BLK: variants seen among roughly 807,000 people sequenced by gnomAD.
BLK encodes BLK proto-oncogene, Src family tyrosine kinase.
In BLK, 64 loss-of-function variants were observed where a neutral mutation model predicts 61.8. The ratio of observed to expected loss-of-function variants is 1.03; its 90% CI spans 0.85 to 1.27. BLK has a LOEUF of 1.27. BLK is among the 50% of genes most tolerant of loss of function. The pLI is 0.00. For synonymous variants in BLK, 351 were observed against 272.0 expected, an observed-to-expected ratio of 1.29 and a Z score of -2.86; for missense variants, 853 against 660.5, an observed-to-expected ratio of 1.29 and a Z score of -3.19.
In BLK at chr8:11,512,331, T is replaced by G. The variant is rs141629710; in HGVS notation, c.-2+17740T>G. Among the ~76,000 whole-genome samples, 47 of 152,344 alleles carry G rather than the reference T, an allele frequency of 3.1e-4. 2 individuals are homozygous for G. The East Asian group carries it at 8.7e-3, about 28-fold the overall frequency. On this transcript the variant is annotated intron_variant, in intron 1 of 12. Coordinates refer to ENST00000259089, the MANE Select transcript of BLK (RefSeq NM_001715.3). Reference sequence around the variant, plus strand: ...CTCTTTTCCAGAACTTGTTATGATCTCTTAACAAGGTCTAGCCAATATCAT... The same window carrying G: ...CTCTTTTCCAGAACTTGTTATGATCGCTTAACAAGGTCTAGCCAATATCAT...
intron 9 of BLK, among the ~76,000 whole-genome samples, 189 bp downstream of exon 9, chr8:11,557,026 T>A (rs1358239877): frequency 6.6e-6 from 1 of 151,204 alleles, no homozygotes; most frequent in African/African-American, 2.4e-5. Context: ...AACAGGAGGG[T>A]GAAGTGGTTC....
At chr8:11,510,324 A>C (rs1314336789) in intron 1 of BLK, among the ~76,000 whole-genome samples, 4 of 152,106 alleles carry the variant, frequency 2.6e-5, no homozygotes, top group African/African-American at 9.7e-5. Context: ...GGCCAGGGTT[A>C]CTGGTGTGGT....
At chr8:11,526,077 CTT>C (rs909773456) in intron 1 of BLK, among the ~76,000 whole-genome samples, 3 of 152,142 alleles carry the variant, frequency 2.0e-5, no homozygotes, top group African/African-American at 7.2e-5. Context: ...CCAGCTGCAG[CTT>C]TTGTTTTTAA....
At chr8:11,555,624 C>A (rs2254959) in intron 8 of BLK, 140 bp downstream of exon 8, 2 of 1,338,302 alleles carry the variant, frequency 1.5e-6, no homozygotes, top group South Asian at 1.3e-5. Context: ...CGAGGACACT[C>A]ATTTTACAGA....
At chr8:11,510,568 C>G (rs1391283015) in intron 1 of BLK, among the ~76,000 whole-genome samples, 1 of 152,196 alleles carries the variant, frequency 6.6e-6, no homozygotes, top group Non-Finnish European at 1.5e-5. Context: ...ATCAGGTTCT[C>G]AACGGGGGCT....
chr8:11,555,240 G>T (rs1447238193), intron 7 of BLK, 92 bp from the exon 8 acceptor site: 14 of 1,549,694 alleles, frequency 9.0e-6, no homozygotes, highest in Non-Finnish European at 1.2e-5. Context: ...GGTGGCTGGG[G>T]AGTGGAGGGC....
At chr8:11,557,291 G>A (rs7843829) in intron 9 of BLK, among the ~76,000 whole-genome samples, 6,301 of 152,252 alleles carry the variant, frequency 0.041, 408 homozygotes, top group African/African-American at 0.14. Context: ...GGTCCACGGC[G>A]TGGCCAAGTT....
At chr8:11,558,474 C>A in intron 10 of BLK, 2 of 363,494 alleles carry the variant, frequency 5.5e-6, no homozygotes, top group South Asian at 4.1e-5. Context: ...GGGCCCTCAG[C>A]CTTTGCACAG....
At chr8:11,556,982 T>TTG in intron 9 of BLK, 145 bp downstream of exon 9, 4 of 301,026 alleles carry the variant, frequency 1.3e-5, no homozygotes, top group East Asian at 8.2e-5. Flanking sequence ...CAGGGAGGGA[T>TTG]GGAGGGAGGG....
intron 1 of BLK, among the ~76,000 whole-genome samples, chr8:11,524,314 T>A (rs902227973): frequency 6.6e-6 from 1 of 152,218 alleles, no homozygotes; most frequent in Admixed American, 6.5e-5. Context: ...ACACTGAACA[T>A]TCACAACGAT....
intron 4 of BLK, among the ~76,000 whole-genome samples, 175 bp from the exon 5 acceptor site, chr8:11,548,849 G>A (rs910285686): frequency 6.6e-6 from 1 of 152,120 alleles, no homozygotes; most frequent in Non-Finnish European, 1.5e-5. Context: ...AACTTGCCCG[G>A]ATAGCCACTG....
chr8:11,545,320 G>A (rs769512401), intron 2 of BLK, among the ~76,000 whole-genome samples: 6 of 152,196 alleles, frequency 3.9e-5, no homozygotes, highest in Non-Finnish European at 7.3e-5. Flanking sequence ...AGGCCGAGGT[G>A]GGAGGATCAC....
intron 1 of BLK, among the ~76,000 whole-genome samples, chr8:11,507,451 AC>A (rs1798819928): frequency 6.6e-6 from 1 of 152,222 alleles, no homozygotes; most frequent in South Asian, 2.1e-4. Context: ...GGCAGGGATG[AC>A]CACCCCAACT....
intron 10 of BLK, chr8:11,558,444 T>C (rs1392650104): frequency 2.8e-6 from 1 of 361,542 alleles, no homozygotes; most frequent in East Asian, 7.2e-5. Context: ...AAACATCTCC[T>C]GTAGGACTTC....
intron 1 of BLK, among the ~76,000 whole-genome samples, chr8:11,501,015 C>T (rs1798537659): frequency 6.6e-6 from 1 of 151,888 alleles, no homozygotes; most frequent in Admixed American, 6.6e-5. Flanking sequence ...TCGAGACCAG[C>T]CTGGCCAACA....
rs756212051 is a variant in BLK at position 11,550,237 on chromosome 8, T to C, written c.447T>C (p.Leu149=). 3.7e-6 allele frequency: 6 copies of C among 1,614,028 alleles called. No homozygotes were observed. In the South Asian group the frequency reaches 4.4e-5, roughly 12 times the overall value. ...CAATCAACAAGGCCGGCTCCTTTCT[T>C]ATCAGAGAGAGTGAAACCAACAAAG... ...LAPINKAGSF[L]IRESETNKGA... is the part of the protein sequence containing the mutation. The change falls in exon 6 of 13, where the codon CTT becomes CTC. Residue 149 remains leucine, a synonymous_variant. Coordinates refer to ENST00000259089, the MANE Select transcript of BLK (RefSeq NM_001715.3).
At chr8:11,547,484 G>A (rs1298200559) in intron 3 of BLK, among the ~76,000 whole-genome samples, 3 of 152,212 alleles carry the variant, frequency 2.0e-5, no homozygotes, top group Admixed American at 1.3e-4. Context: ...TCCAGGGCCC[G>A]CCAGCAAGGT....
intron 1 of BLK, among the ~76,000 whole-genome samples, chr8:11,532,130 A>G (rs1799910718): frequency 6.6e-6 from 1 of 151,764 alleles, no homozygotes; most frequent in Non-Finnish European, 1.5e-5. Flanking sequence ...AAGTGCTGGG[A>G]TTACAGGCAT....
At chr8:11,526,141 C>G (rs1214400959) in intron 1 of BLK, among the ~76,000 whole-genome samples, 1 of 152,204 alleles carries the variant, frequency 6.6e-6, no homozygotes, top group Admixed American at 6.5e-5. Context: ...GCCAATATCT[C>G]TGAGCTAAAT....
Sources: allele counts gnomAD v4.1 joint callset (sites outside exome capture counted in the v4.1 genomes callset), GRCh38; gene constraint gnomAD v4.1.1; transcripts MANE v1.5; gene names NCBI Gene and HGNC (gene_info 2026-07-23, HGNC 2026-07-21).